The following CSF2RA variants were observed in gnomAD, a reference collection of about 807,000 sequenced individuals.
CSF2RA encodes colony stimulating factor 2 receptor subunit alpha, also known as granulocyte-macrophage colony-stimulating factor receptor subunit alpha.
CSF2RA carries 42 observed loss-of-function variants against 51.6 expected under a neutral mutation model. The ratio of observed to expected loss-of-function variants is 0.81; its 90% CI spans 0.64 to 1.05. The LOEUF is 1.05. Ranked by LOEUF, CSF2RA falls within the 50% of genes least tolerant of loss-of-function variation. The probability of loss-of-function intolerance (pLI) is 0.00; values close to 1 mark genes in which losing one functional copy is unlikely to be tolerated. For missense variants in CSF2RA, 530 were observed against 501.1 expected, an observed-to-expected ratio of 1.06 and a Z score of -0.55; for synonymous variants, 222 against 193.0, an observed-to-expected ratio of 1.15 and a Z score of -1.24.
the CSF2RA span, among the ~76,000 whole-genome samples, chrX:1,315,410 ATTTTG>A: frequency 5.3e-5 from 8 of 151,920 alleles, no homozygotes; most frequent in Non-Finnish European, 7.4e-5. Flanking sequence ...ATTTTATTTT[ATTTTG>A]TTTTAAGAGA....
In CSF2RA at chrX:1,301,795, A is replaced by G. The variant is rs1397501727; in HGVS notation, c.946+1169A>G. ...GTATTTTTTTTTTTTTAGTAGAGAC[A>G]GGGTTTCACTGTTTTTTAGCCAGGA... On this transcript the variant is annotated intron_variant, in intron 10 of 12. Coordinates refer to ENST00000381529, the MANE Select transcript of CSF2RA (RefSeq NM_172245.4). Among the ~76,000 whole-genome samples, 67 of 148,476 alleles carry G rather than the reference A, an allele frequency of 4.5e-4. 1 individual carries two copies. The highest frequency in any genetic ancestry group is 1.6e-3 in the East Asian group (8 of 5,004).
At chrX:1,292,803 T>A (rs1480683075) in intron 7 of CSF2RA, among the ~76,000 whole-genome samples, 2 of 152,086 alleles carry the variant, frequency 1.3e-5, no homozygotes, top group African/African-American at 4.8e-5. Context: ...CTTCCTCTTA[T>A]CTCAACCGCG....
chrX:1,277,500 G>A (rs780134443), intron 2 of CSF2RA, among the ~76,000 whole-genome samples: 38 of 144,322 alleles, frequency 2.6e-4, no homozygotes, highest in Admixed American at 6.0e-4. Flanking sequence ...GGAGACAGAG[G>A]CAAGAGAATG....
At chrX:1,282,602 ACCTCCCTGGGG>A in intron 2 of CSF2RA, 65 bp from the exon 3 acceptor site, 1 of 1,072,688 alleles carries the variant, frequency 9.3e-7, no homozygotes, top group Non-Finnish European at 1.5e-6. Context: ...TCCCCAAATC[ACCTCCCTGGGG>A]TCCCCTGCCA....
intron 1 of CSF2RA, 85 bp from the exon 2 acceptor site, chrX:1,274,669 TA>T (rs1416063502): frequency 3.8e-5 from 17 of 446,558 alleles, no homozygotes; most frequent in Non-Finnish European, 7.6e-5. Context: ...TATTTACGAA[TA>T]AAATGCGAGG....
At chrX:1,316,940 T>C in the CSF2RA span, among the ~76,000 whole-genome samples, 1 of 152,140 alleles carries the variant, frequency 6.6e-6, no homozygotes, top group Non-Finnish European at 1.5e-5. Context: ...AAGACATGCA[T>C]ATTTTCTTTC....
the CSF2RA span, among the ~76,000 whole-genome samples, chrX:1,318,199 A>G: frequency 1.8e-4 from 25 of 138,434 alleles, no homozygotes; most frequent in Admixed American, 3.7e-4. Context: ...GTTTCATTCT[A>G]GTTGCCCAGG....
In CSF2RA at chrX:1,300,196, G is replaced by T. The variant is rs1224933165; in HGVS notation, c.811-295G>T. 30 of 304,792 alleles carry T rather than the reference G, an allele frequency of 9.8e-5. No individual in the cohort carries two copies. The Admixed American group carries it at 1.3e-3, about 13-fold the overall frequency. 18.9% of individuals were successfully genotyped at this position (304,792 alleles called of 1,614,324 possible). On this transcript the variant is annotated intron_variant, in intron 9 of 12. Transcript: ENST00000381529. ...ATCGCGCCACTGCACTGCAGCCTGG[G>T]TGACAGAGGGAGACTCCGTCTCAAA...
chrX:1,269,313 C>A (rs1367763706), intron 1 of CSF2RA, among the ~76,000 whole-genome samples: 1 of 152,020 alleles, frequency 6.6e-6, no homozygotes, highest in Non-Finnish European at 1.5e-5. Flanking sequence ...CTGTGGCATC[C>A]GGAAGCCGTT....
the CSF2RA span, among the ~76,000 whole-genome samples, chrX:1,323,482 C>T: frequency 3.6e-3 from 542 of 152,140 alleles, 1 homozygote; most frequent in African/African-American, 0.013. Flanking sequence ...CACCTTCAGG[C>T]GACCGGATTC....
chrX:1,317,161 G>C, the CSF2RA span, among the ~76,000 whole-genome samples: 2 of 150,902 alleles, frequency 1.3e-5, no homozygotes, highest in African/African-American at 4.9e-5. Flanking sequence ...TGTTAGCCAG[G>C]ATGGTCTCGA....
Position 1,275,222 on chromosome X carries a change from C to G in CSF2RA, c.-27+404C>G, listed in dbSNP as rs138205188. 1.7e-3 allele frequency among the ~76,000 whole-genome samples: 256 copies of G among 152,066 alleles called. 1 individual carries two copies. The highest frequency in any genetic ancestry group is 0.016 in the South Asian group (78 of 4,812). On this transcript the variant is annotated intron_variant, in intron 2 of 12. Transcript: ENST00000381529. ...CCTGGCCAACATGGTGAAACCCCAT[C>G]TCTGCTAAAAATACAAAAATTAGCC...
Position 1,309,256 on chromosome X carries a change from A to G in CSF2RA, c.1126-146A>G, listed in dbSNP as rs759022196. On this transcript the variant is annotated intron_variant, in intron 12 of 12. Transcript: ENST00000381529. ...CTTGAACCCGGGAGGCCGAGGTTGC[A>G]GTGAGCTGAGATGACACCACTGCAC... The G allele has an allele frequency of 2.6e-5, 21 of 806,008 alleles. No homozygotes were observed. In the Admixed American group the frequency reaches 3.9e-4, roughly 15 times the overall value. The allele number at this position is 806,008 out of a possible 1,614,324, so 49.9% of individuals were successfully genotyped here. A position where few individuals can be genotyped will look rare whatever the true frequency, so the allele number is the denominator to read the frequency against.
chrX:1,319,643 T>C, the CSF2RA span, among the ~76,000 whole-genome samples: 388 of 149,158 alleles, frequency 2.6e-3, 3 homozygotes, highest in African/African-American at 9.0e-3. Flanking sequence ...TCTTGACTGC[T>C]AGGCTCCAGT....
intron 3 of CSF2RA, among the ~76,000 whole-genome samples, chrX:1,283,953 G>A (rs1438871959): frequency 6.6e-6 from 1 of 151,870 alleles, no homozygotes; most frequent in Admixed American, 6.6e-5. Context: ...GTTTCCGGGA[G>A]GGACCCTCTT....
downstream of CSF2RA, among the ~76,000 whole-genome samples, chrX:1,314,482 A>AACCGTGCCTGCCCAACCGCACTGCACCTG (rs1569514887): frequency 1.4e-5 from 1 of 70,320 alleles, no homozygotes; most frequent in Non-Finnish European, 2.6e-5. Flanking sequence ...CAATGCACCT[A>AACCGTGCCTGCCCAACCGCACTGCACCTG]CCCAACCCCA....
Position 1,280,343 on chromosome X carries a change from C to T in CSF2RA, c.-26-2335C>T, listed in dbSNP as rs28653479. ...AAAATTAGCCTGGCATAATGGCGGGCGCCTATAATCCCAGCTACTTGGGAG... is the reference window on the plus strand; with the variant it reads ...AAAATTAGCCTGGCATAATGGCGGGTGCCTATAATCCCAGCTACTTGGGAG... On this transcript the variant is annotated intron_variant, in intron 2 of 12. Coordinates refer to ENST00000381529, the MANE Select transcript of CSF2RA (RefSeq NM_172245.4). 5.2e-3 allele frequency among the ~76,000 whole-genome samples: 786 copies of T among 151,696 alleles called. 7 individuals carry two copies. The highest frequency in any genetic ancestry group is 0.018 in the African/African-American group (733 of 41,456).
downstream of CSF2RA, chrX:1,309,972 G>A (rs2084083266): frequency 2.0e-6 from 1 of 506,138 alleles, no homozygotes; most frequent in Non-Finnish European, 3.4e-6. Context: ...CACTTTGGAG[G>A]ATTGCTGGAG....
chrX:1,286,249 G>T (rs1293397614), intron 4 of CSF2RA, among the ~76,000 whole-genome samples: 5 of 151,626 alleles, frequency 3.3e-5, no homozygotes, highest in African/African-American at 9.7e-5. Flanking sequence ...CTCCAGCCTG[G>T]GTGACAGAGC....
Sources: gnomAD v4.1 joint callset for allele counts (sites outside exome capture counted in the v4.1 genomes callset) on GRCh38, gnomAD v4.1.1 for gene constraint, MANE v1.5 for transcripts, NCBI Gene and HGNC (gene_info 2026-07-23, HGNC 2026-07-21) for gene names.